Variants in TMEM132B observed in about 807,000 individuals in gnomAD.
The protein encoded by TMEM132B is transmembrane protein 132B.
In TMEM132B, 18 loss-of-function variants were observed where a neutral mutation model predicts 90.8. The observed-to-expected ratio is 0.20, with a 90% CI of 0.14 to 0.29. TMEM132B has a LOEUF of 0.29. TMEM132B is among the 10% of genes least tolerant of loss of function. The probability of loss-of-function intolerance (pLI) is 1.00; values close to 1 mark genes in which losing one functional copy is unlikely to be tolerated. For synonymous variants in TMEM132B, 504 were observed against 523.3 expected (o/e 0.96, Z 0.50); for missense variants, 1,096 against 1,326.8 (o/e 0.83, Z 2.70).
chr12:125,366,231 CTG>C (rs376395060), intron 2 of TMEM132B, among the ~76,000 whole-genome samples: 2 of 151,120 alleles, frequency 1.3e-5, no homozygotes, highest in Admixed American at 6.6e-5. Flanking sequence ...AATAATATTG[CTG>C]TGTGTGTGTG....
intron 3 of TMEM132B, among the ~76,000 whole-genome samples, chr12:125,447,332 T>C (rs1252470413): frequency 6.6e-6 from 1 of 152,176 alleles, no homozygotes; most frequent in Non-Finnish European, 1.5e-5. Context: ...AATTAAAAAA[T>C]TCTCATTAGC....
At chr12:125,351,392 T>C (rs1877576071) in intron 2 of TMEM132B, among the ~76,000 whole-genome samples, 1 of 152,226 alleles carries the variant, frequency 6.6e-6, no homozygotes, top group Admixed American at 6.5e-5. Context: ...AAGAGAGTTA[T>C]GTGTGTTGCA....
At chr12:125,218,621 G>T (rs1232612613) in intron 1 of TMEM132B, among the ~76,000 whole-genome samples, 1 of 152,136 alleles carries the variant, frequency 6.6e-6, no homozygotes, top group Non-Finnish European at 1.5e-5. Context: ...AGTACAAAAA[G>T]GTCAGTGTGA....
chr12:125,318,582 C>T (rs1382922610), intron 1 of TMEM132B, among the ~76,000 whole-genome samples: 1 of 152,106 alleles, frequency 6.6e-6, no homozygotes, highest in African/African-American at 2.4e-5. Flanking sequence ...GTGTTCTCAC[C>T]ATTCAGCTCC....
At position 125,202,498 on chromosome 12, in the gene TMEM132B, G is replaced by A. The variant is rs576898897; in HGVS notation, c.67+15632G>A. Among the ~76,000 whole-genome samples, 23 of 152,346 alleles carry A rather than the reference G, an allele frequency of 1.5e-4. 1 individual carries two copies. Among genetic ancestry groups the A allele is most frequent in the African/African-American group, 5.5e-4 (23 of 41,576 alleles). ...TGCTGCTGTGCTCACATGGTGGTTGGTAGGATTCCGTTTTTGTGGGCTTTT... is the reference window on the plus strand; with the variant it reads ...TGCTGCTGTGCTCACATGGTGGTTGATAGGATTCCGTTTTTGTGGGCTTTT... On this transcript the variant is annotated intron_variant, in intron 1 of 8. Coordinates refer to ENST00000682704, the MANE Select transcript of TMEM132B (RefSeq NM_001366854.1).
chr12:125,419,508 T>C (rs1880113694), intron 3 of TMEM132B, among the ~76,000 whole-genome samples: 1 of 152,178 alleles, frequency 6.6e-6, no homozygotes, highest in Admixed American at 6.5e-5. Context: ...AAGAATAGCA[T>C]GAGAAAGACC....
At chr12:125,494,225 C>G (rs1184021548) in intron 3 of TMEM132B, among the ~76,000 whole-genome samples, 4 of 137,632 alleles carry the variant, frequency 2.9e-5, no homozygotes, top group African/African-American at 1.1e-4. Flanking sequence ...TCCTCTCCCT[C>G]CTCCCTGGAA....
chr12:125,318,287 C>T (rs919716820), intron 1 of TMEM132B, among the ~76,000 whole-genome samples: 3 of 151,178 alleles, frequency 2.0e-5, no homozygotes, highest in African/African-American at 7.3e-5. Flanking sequence ...GAGGACTTCA[C>T]CTGTGTTTGC....
In TMEM132B at chr12:125,239,899, A is replaced by T. The variant is rs1874028177; in HGVS notation, c.67+53033A>T. On this transcript the variant is annotated intron_variant, in intron 1 of 8. Coordinates refer to ENST00000682704, the MANE Select transcript of TMEM132B (RefSeq NM_001366854.1). Reference sequence around the variant, plus strand: ...TTGGTGCAGTAGGGGTGGCCTGTGGATTATGGCTTTTTCTTGATTGTAGTG... The same window carrying T: ...TTGGTGCAGTAGGGGTGGCCTGTGGTTTATGGCTTTTTCTTGATTGTAGTG... Among the ~76,000 whole-genome samples, 4 of 152,138 alleles carry T rather than the reference A, an allele frequency of 2.6e-5. No homozygotes were observed. The South Asian group carries it at 8.3e-4, about 32-fold the overall frequency.
intron 1 of TMEM132B, among the ~76,000 whole-genome samples, chr12:125,341,961 A>G (rs1244661296): frequency 6.6e-6 from 1 of 152,016 alleles, no homozygotes; most frequent in African/African-American, 2.4e-5. Context: ...CTTTACCTTC[A>G]CTCAAATGTG....
rs535188279 is a variant in TMEM132B, at chr12:125,589,249, A to G, written c.1437+5255A>G. The stretch of plus-strand genomic sequence containing the variant: ...TGTAATCCCAGCACTTTGGGAGGCC[A>G]AGGCGGGCAGATCACGAGGTCAGGA... On this transcript the variant is annotated intron_variant, in intron 5 of 8. Transcript: ENST00000682704. Among the ~76,000 whole-genome samples, 247 of 152,112 alleles carry G rather than the reference A, an allele frequency of 1.6e-3. 6 individuals are homozygous for G. Among genetic ancestry groups the G allele is most frequent in the South Asian group, 0.014 (69 of 4,806 alleles).
chr12:125,364,141 A>G (rs1448932326), intron 2 of TMEM132B, among the ~76,000 whole-genome samples: 1 of 152,164 alleles, frequency 6.6e-6, no homozygotes, highest in Non-Finnish European at 1.5e-5. Context: ...CAATCAAGGG[A>G]CTGGTTATCT....
chr12:125,291,765 TA>T (rs1171406829), intron 1 of TMEM132B, among the ~76,000 whole-genome samples: 1 of 152,008 alleles, frequency 6.6e-6, no homozygotes, highest in African/African-American at 2.4e-5. Context: ...TTGCTTTTTT[TA>T]AAAAAAAATT....
chr12:125,194,075 T>G (rs1419118562), intron 1 of TMEM132B, among the ~76,000 whole-genome samples: 1 of 152,254 alleles, frequency 6.6e-6, no homozygotes, highest in African/African-American at 2.4e-5. Context: ...CAAAATCAGC[T>G]GGTTCTGCAG....
intron 2 of TMEM132B, among the ~76,000 whole-genome samples, chr12:125,397,493 A>G (rs1371691197): frequency 1.3e-5 from 2 of 152,218 alleles, no homozygotes; most frequent in East Asian, 1.9e-4. Context: ...CCAGGTTCCC[A>G]TGAAACACTA....
chr12:125,627,639 C>T (rs1214910853), intron 5 of TMEM132B, among the ~76,000 whole-genome samples: 2 of 151,932 alleles, frequency 1.3e-5, no homozygotes, highest in African/African-American at 2.4e-5. Context: ...ATGCCCATCC[C>T]CTCAAGCATT....
At position 125,209,551 on chromosome 12, in the gene TMEM132B, T is replaced by C. The variant is rs531456051; in HGVS notation, c.67+22685T>C. Among the ~76,000 whole-genome samples the C allele has an allele frequency of 1.2e-4, 18 of 152,332 alleles. No individual in the cohort carries two copies. The highest frequency in any genetic ancestry group is 4.3e-4 in the African/African-American group (18 of 41,588). ...GGACCCTGCCACCCCGTTTCCTTTG[T>C]TCCTGGCTGCTGTGGTGCTGGTCAC... On this transcript the variant is annotated intron_variant, in intron 1 of 8. Transcript: ENST00000682704. The surrounding 1 kb of genome is among the most constrained non-coding windows in gnomAD (Gnocchi z 4.4).
chr12:125,341,037 T>C (rs1224491256), intron 1 of TMEM132B, among the ~76,000 whole-genome samples: 2 of 152,262 alleles, frequency 1.3e-5, no homozygotes, highest in African/African-American at 2.4e-5. Context: ...TGACCTCATC[T>C]TGTGCTTTGA....
intron 4 of TMEM132B, among the ~76,000 whole-genome samples, chr12:125,555,569 T>C (rs1000347367): frequency 1.1e-5 from 1 of 90,218 alleles, no homozygotes; most frequent in Non-Finnish European, 2.0e-5. Context: ...TGTTGTGGGG[T>C]GGGGGGTGGG....
Sources: gnomAD v4.1 joint callset for allele counts (sites outside exome capture counted in the v4.1 genomes callset) on GRCh38, gnomAD v4.1.1 for gene constraint, Gnocchi (gnomAD v3.1) non-coding constraint, MANE v1.5 for transcripts, NCBI Gene and HGNC (gene_info 2026-07-23, HGNC 2026-07-21) for gene names.